The following ANKS1B variants were observed in gnomAD, a reference collection of about 807,000 sequenced individuals.
ANKS1B encodes the protein ankyrin repeat and sterile alpha motif domain-containing protein 1B.
ANKS1B carries 36 observed loss-of-function variants against 148.3 expected under a neutral mutation model. The ratio of observed to expected loss-of-function variants is 0.24; its 90% CI spans 0.19 to 0.32. The LOEUF is 0.32. Ranked by LOEUF, ANKS1B falls within the 10% of genes least tolerant of loss-of-function variation. ANKS1B has a pLI of 1.00. For synonymous variants in ANKS1B, 542 were observed against 560.8 expected (o/e 0.97, Z 0.47); for missense variants, 1,157 against 1,542.6 (o/e 0.75, Z 4.19).
At chr12:99,890,279 T>C (rs1312221560) in intron 1 of ANKS1B, among the ~76,000 whole-genome samples, 2 of 152,188 alleles carry the variant, frequency 1.3e-5, no homozygotes, top group African/African-American at 4.8e-5. Context: ...TTTAGTAAAT[T>C]AGATTACCCT....
chr12:99,504,797 C>T (rs964736664), intron 9 of ANKS1B, 156 bp from the exon 10 acceptor site: 16 of 587,472 alleles, frequency 2.7e-5, no homozygotes, highest in Non-Finnish European at 3.7e-5. Flanking sequence ...ATCATGTAAA[C>T]CCAATATCAG....
intron 8 of ANKS1B, among the ~76,000 whole-genome samples, chr12:99,710,092 C>A (rs2056420867): frequency 6.6e-6 from 1 of 152,086 alleles, no homozygotes; most frequent in South Asian, 2.1e-4. Flanking sequence ...GCTGATTTTA[C>A]TGAGATCTAA....
chr12:99,973,261 C>T (rs2095582680), intron 1 of ANKS1B, among the ~76,000 whole-genome samples: 1 of 152,194 alleles, frequency 6.6e-6, no homozygotes, highest in Non-Finnish European at 1.5e-5. Flanking sequence ...AGCTGCCATA[C>T]CTAGTGGTAG....
At chr12:99,450,026 C>T (rs910739182) in intron 10 of ANKS1B, among the ~76,000 whole-genome samples, 1 of 152,020 alleles carries the variant, frequency 6.6e-6, no homozygotes, top group Non-Finnish European at 1.5e-5. Context: ...AGTTGGTAAG[C>T]TGGAGGTGCA....
At chr12:99,260,388 G>T (rs764326474) in intron 12 of ANKS1B, among the ~76,000 whole-genome samples, 11 of 152,274 alleles carry the variant, frequency 7.2e-5, no homozygotes, top group Admixed American at 3.3e-4. Context: ...CTCTGAGAAT[G>T]CAGTGCATTC....
intron 8 of ANKS1B, among the ~76,000 whole-genome samples, chr12:99,667,421 A>C (rs2098514701): frequency 6.6e-6 from 1 of 151,632 alleles, no homozygotes; most frequent in Non-Finnish European, 1.5e-5. Context: ...TCATGTAAAA[A>C]AAAAATTTGA....
At position 99,945,337 on chromosome 12, in the gene ANKS1B, C is replaced by A. The variant is rs1005830073; in HGVS notation, c.134+38767G>T. ...GGCCCTGAAGTAGGAACAAGCTTGGCGTGTTTGTAAAACCAGAAAAAAAAA... is the reference window on the plus strand; with the variant it reads ...GGCCCTGAAGTAGGAACAAGCTTGGAGTGTTTGTAAAACCAGAAAAAAAAA... On this transcript the variant is annotated intron_variant, in intron 1 of 26. Coordinates refer to ENST00000683438, the MANE Select transcript of ANKS1B (RefSeq NM_001352186.2). 5.7e-4 allele frequency among the ~76,000 whole-genome samples: 74 copies of A among 129,936 alleles called. No individual in the cohort carries two copies. The Middle Eastern group carries it at 0.011, about 20-fold the overall frequency. 85.2% of individuals were successfully genotyped at this position (129,936 alleles called of 152,430 possible).
intron 12 of ANKS1B, among the ~76,000 whole-genome samples, chr12:99,318,123 TCTC>T (rs2084504729): frequency 6.6e-6 from 1 of 152,206 alleles, no homozygotes; most frequent in Non-Finnish European, 1.5e-5. Flanking sequence ...GGTCTAAAAT[TCTC>T]TTTTATTGTT....
chr12:99,914,829 G>A (rs1465633886), intron 1 of ANKS1B, among the ~76,000 whole-genome samples: 1 of 152,072 alleles, frequency 6.6e-6, no homozygotes, highest in African/African-American at 2.4e-5. Context: ...CTAATTGCAT[G>A]GAGACCTGGC....
intron 12 of ANKS1B, among the ~76,000 whole-genome samples, chr12:99,298,954 G>T (rs1180639119): frequency 2.6e-5 from 4 of 151,960 alleles, no homozygotes. Flanking sequence ...TCAAATTTCG[G>T]TCTCTGTGAA....
chr12:98,793,414 T>C (rs1211982009), intron 22 of ANKS1B, among the ~76,000 whole-genome samples: 1 of 152,164 alleles, frequency 6.6e-6, no homozygotes, highest in Non-Finnish European at 1.5e-5. Flanking sequence ...AAACACGTCA[T>C]GACATTGGAC....
intron 9 of ANKS1B, among the ~76,000 whole-genome samples, chr12:99,577,372 TAAAC>T (rs1176745211): frequency 6.8e-6 from 1 of 147,138 alleles, no homozygotes; most frequent in Non-Finnish European, 1.5e-5. Flanking sequence ...AGAAAAAAAA[TAAAC>T]AACATGACAG....
chr12:98,935,091 G>GT lies in ANKS1B; in HGVS notation c.2779-102956dup, dbSNP rs1399495311. On this transcript the variant is annotated intron_variant, in intron 17 of 26. Transcript: ENST00000683438. ...AAAGCTTTCAGTTTTTCATCATTGAGTATGAGGTTGGCTGTGGGCTAACCA... is the reference window on the plus strand; with the variant it reads ...AAAGCTTTCAGTTTTTCATCATTGAGTTATGAGGTTGGCTGTGGGCTAACCA... 2.6e-5 allele frequency among the ~76,000 whole-genome samples: 4 copies of GT among 152,212 alleles called. No homozygotes were observed. The South Asian group carries it at 8.3e-4, about 32-fold the overall frequency.
intron 8 of ANKS1B, among the ~76,000 whole-genome samples, chr12:99,716,186 C>T (rs546388447): frequency 1.6e-4 from 25 of 151,990 alleles, no homozygotes; most frequent in African/African-American, 3.6e-4. Flanking sequence ...CTCTGTGCCC[C>T]GATCCCTTAT....
intron 9 of ANKS1B, among the ~76,000 whole-genome samples, chr12:99,649,101 C>T (rs907560982): frequency 6.6e-6 from 1 of 152,232 alleles, no homozygotes; most frequent in African/African-American, 2.4e-5. Context: ...TTCTGAAACA[C>T]ATACTATGAC....
downstream of ANKS1B, among the ~76,000 whole-genome samples, chr12:98,741,021 T>C (rs1023509556): frequency 3.3e-5 from 5 of 152,204 alleles, no homozygotes; most frequent in Non-Finnish European, 5.9e-5. Flanking sequence ...GAGATTTCAA[T>C]GATATCATAA....
chr12:99,588,686 T>C (rs17472193), intron 9 of ANKS1B, among the ~76,000 whole-genome samples: 21,711 of 152,112 alleles, frequency 0.14, 1,617 homozygotes, highest in Non-Finnish European at 0.16. Flanking sequence ...AAGGTACAAT[T>C]TATACTGAAT....
chr12:99,925,973 T>C (rs2094468907), intron 1 of ANKS1B, among the ~76,000 whole-genome samples: 1 of 152,172 alleles, frequency 6.6e-6, no homozygotes, highest in African/African-American at 2.4e-5. Flanking sequence ...CCTAAATGGA[T>C]AGCTTTTAAG....
intron 14 of ANKS1B, among the ~76,000 whole-genome samples, chr12:99,242,109 G>C (rs541734352): frequency 1.7e-4 from 26 of 152,286 alleles, no homozygotes; most frequent in African/African-American, 6.0e-4. Flanking sequence ...AATTGTCTCT[G>C]TTTGCAGATG....
Sources: allele counts gnomAD v4.1 joint callset (sites outside exome capture counted in the v4.1 genomes callset), GRCh38; gene constraint gnomAD v4.1.1; transcripts MANE v1.5; gene names NCBI Gene and HGNC (gene_info 2026-07-23, HGNC 2026-07-21).